The following ELAPOR2 variants were observed in gnomAD, a reference collection of about 807,000 sequenced individuals.
The protein encoded by ELAPOR2 is endosome/lysosome-associated apoptosis and autophagy regulator family member 2.
Under a neutral mutation model 120.7 loss-of-function variants are expected in ELAPOR2, and 89 were observed. That is an observed-to-expected ratio of 0.74 (90% CI 0.62 to 0.88). The LOEUF is 0.88. Ranked by LOEUF, ELAPOR2 falls within the 40% of genes least tolerant of loss-of-function variation. ELAPOR2 has a pLI of 0.00. For synonymous variants in ELAPOR2, 444 were observed against 444.9 expected (o/e 1.00, Z 0.03); for missense variants, 1,134 against 1,251.6 (o/e 0.91, Z 1.42).
At chr7:86,910,397 G>C (rs956836557) in intron 15 of ELAPOR2, among the ~76,000 whole-genome samples, 2 of 152,114 alleles carry the variant, frequency 1.3e-5, no homozygotes, top group African/African-American at 4.8e-5. Context: ...CAAAGAAAAA[G>C]TGTTGGTCTT....
chr7:87,057,094 G>C (rs770681351), intron 1 of ELAPOR2, among the ~76,000 whole-genome samples: 2 of 152,120 alleles, frequency 1.3e-5, no homozygotes, highest in Non-Finnish European at 2.9e-5. Flanking sequence ...AATGATAAAC[G>C]AGCAGGAGTG....
intron 5 of ELAPOR2, chr7:86,941,410 T>C (rs548750739): frequency 3.8e-6 from 2 of 523,592 alleles, no homozygotes; most frequent in South Asian, 1.4e-5. Context: ...GCAGTTACTT[T>C]ACTTCATGTA....
In ELAPOR2 at chr7:86,986,046, A is replaced by G. The variant is rs1792718831; in HGVS notation, c.190-21022T>C. Among the ~76,000 whole-genome samples, 5 of 152,014 alleles carry G rather than the reference A, an allele frequency of 3.3e-5. No individual in the cohort carries two copies. The South Asian group carries it at 1.0e-3, about 32-fold the overall frequency. On this transcript the variant is annotated intron_variant, in intron 1 of 21. Transcript: ENST00000450689. ...CACCACTCCTATTCAACATAGTGTT[A>G]GAAGTTCTGGCCAGGGCAATCAGGC...
At chr7:86,882,255 T>C (rs1259557247) in intron 21 of ELAPOR2, among the ~76,000 whole-genome samples, 1 of 152,140 alleles carries the variant, frequency 6.6e-6, no homozygotes, top group African/African-American at 2.4e-5. Context: ...GATACAAAAA[T>C]GAGTACAGCA....
rs138020546 is a variant in ELAPOR2, at chr7:86,883,492, A to T, written c.3031-2962T>A. On this transcript the variant is annotated intron_variant, in intron 21 of 21. Coordinates refer to ENST00000450689, the MANE Select transcript of ELAPOR2 (RefSeq NM_001142749.3). ...TTCATTGTCAAACACTGGAAATAGCACAGGTATCAATCAACAGACTGGATA... is the reference window on the plus strand; with the variant it reads ...TTCATTGTCAAACACTGGAAATAGCTCAGGTATCAATCAACAGACTGGATA... 5.9e-3 allele frequency among the ~76,000 whole-genome samples: 905 copies of T among 152,358 alleles called. 3 individuals are homozygous for T. The highest frequency in any genetic ancestry group is 0.011 in the Non-Finnish European group (748 of 68,026).
At chr7:86,892,444 G>A (rs1308591441) in intron 20 of ELAPOR2, among the ~76,000 whole-genome samples, 2 of 151,972 alleles carry the variant, frequency 1.3e-5, no homozygotes, top group African/African-American at 2.4e-5. Flanking sequence ...CAGGAATTAG[G>A]CTCAATATTC....
At chr7:86,938,029 G>C in intron 8 of ELAPOR2, 97 bp downstream of exon 8, 1 of 876,736 alleles carries the variant, frequency 1.1e-6, no homozygotes, top group Non-Finnish European at 1.8e-6. Flanking sequence ...TTACATACGT[G>C]TGTCATAAAT....
At chr7:86,912,788 G>C (rs368239788) in intron 14 of ELAPOR2, among the ~76,000 whole-genome samples, 153 bp downstream of exon 14, 1 of 152,102 alleles carries the variant, frequency 6.6e-6, no homozygotes, top group Admixed American at 6.5e-5. Flanking sequence ...TTTAATAAAC[G>C]CAAGAAGGGA....
chr7:87,004,562 A>G (rs1793414276), intron 1 of ELAPOR2, among the ~76,000 whole-genome samples: 1 of 152,148 alleles, frequency 6.6e-6, no homozygotes, highest in African/African-American at 2.4e-5. Context: ...AACTCTTCAT[A>G]GGAGTTTTCA....
chr7:87,040,014 G>T (rs1794718237), intron 1 of ELAPOR2, among the ~76,000 whole-genome samples: 2 of 152,204 alleles, frequency 1.3e-5, no homozygotes, highest in African/African-American at 4.8e-5. Context: ...GTGACGGACG[G>T]CACCTGGAAA....
intron 21 of ELAPOR2, among the ~76,000 whole-genome samples, chr7:86,888,939 C>A (rs1020235657): frequency 6.6e-6 from 1 of 152,140 alleles, no homozygotes; most frequent in African/African-American, 2.4e-5. Context: ...CAGGACTGCA[C>A]TTCTTGTGTA....
chr7:86,942,432 C>T (rs1790838086), intron 4 of ELAPOR2, among the ~76,000 whole-genome samples: 1 of 151,954 alleles, frequency 6.6e-6, no homozygotes, highest in Admixed American at 6.6e-5. Flanking sequence ...AAACAACTAC[C>T]CAACTTACCC....
chr7:86,980,449 C>G (rs1317672734), intron 1 of ELAPOR2, among the ~76,000 whole-genome samples: 1 of 152,218 alleles, frequency 6.6e-6, no homozygotes, highest in African/African-American at 2.4e-5. Context: ...GGATCCCCAC[C>G]CGCTTTCTGC....
chr7:87,004,137 C>A (rs1793401177), intron 1 of ELAPOR2, among the ~76,000 whole-genome samples: 1 of 152,174 alleles, frequency 6.6e-6, no homozygotes. Context: ...AGGGCCAAGG[C>A]AGGCCTGCAG....
intron 1 of ELAPOR2, among the ~76,000 whole-genome samples, chr7:87,032,847 G>T (rs980904818): frequency 6.6e-6 from 1 of 152,162 alleles, no homozygotes; most frequent in Admixed American, 6.6e-5. Flanking sequence ...AGGACCAGTG[G>T]CTACCTACAC....
At chr7:86,918,397 T>C in intron 12 of ELAPOR2, 45 bp downstream of exon 12, 1 of 1,051,256 alleles carries the variant, frequency 9.5e-7, no homozygotes, top group Non-Finnish European at 1.4e-6. Context: ...TGAAGGAGAA[T>C]GCTAAGCTTA....
chr7:87,053,626 G>A (rs561164020), intron 1 of ELAPOR2, among the ~76,000 whole-genome samples: 34 of 152,286 alleles, frequency 2.2e-4, no homozygotes, highest in African/African-American at 7.9e-4. Context: ...GGGGGGCTGT[G>A]CGTGCAAAAC....
chr7:86,935,202 A>G (rs1054863450), intron 8 of ELAPOR2, among the ~76,000 whole-genome samples: 1 of 152,100 alleles, frequency 6.6e-6, no homozygotes, highest in African/African-American at 2.4e-5. Context: ...AAAATTCCTA[A>G]TATGGCCCTA....
intron 1 of ELAPOR2, among the ~76,000 whole-genome samples, chr7:87,007,778 G>A (rs1793530378): frequency 6.6e-6 from 1 of 152,122 alleles, no homozygotes; most frequent in South Asian, 2.1e-4. Context: ...TAGCTCGATG[G>A]GGCTTCCAAT....
Sources: gnomAD v4.1 joint callset for allele counts (sites outside exome capture counted in the v4.1 genomes callset) on GRCh38, gnomAD v4.1.1 for gene constraint, MANE v1.5 for transcripts, NCBI Gene and HGNC (gene_info 2026-07-23, HGNC 2026-07-21) for gene names.